Variants in EXOC4 observed in about 807,000 individuals in gnomAD.
The protein encoded by EXOC4 is exocyst complex component 4, also known as SEC8-like 1.
Under a neutral mutation model 107.2 loss-of-function variants are expected in EXOC4, and 71 were observed. The observed-to-expected ratio is 0.66, with a 90% confidence interval of 0.55 to 0.81. EXOC4 has a LOEUF of 0.81. EXOC4 is among the 30% of genes least tolerant of loss of function. EXOC4 has a pLI of 0.00. For missense variants in EXOC4, 1,108 were observed against 1,189.6 expected, an observed-to-expected ratio of 0.93 and a Z score of 1.01; for synonymous variants, 456 against 441.2, an observed-to-expected ratio of 1.03 and a Z score of -0.42.
intron 7 of EXOC4, among the ~76,000 whole-genome samples, chr7:133,443,977 T>C (rs938284440): frequency 6.6e-6 from 1 of 152,196 alleles, no homozygotes. Context: ...GCAGGAACTA[T>C]GTAGTTCAGG....
chr7:133,406,353 T>A (rs1797219843), intron 7 of EXOC4, among the ~76,000 whole-genome samples: 1 of 152,222 alleles, frequency 6.6e-6, no homozygotes, highest in African/African-American at 2.4e-5. Context: ...AATCACTTTT[T>A]TTTTGTATTT....
At chr7:133,606,506 T>C (rs959804510) in intron 9 of EXOC4, among the ~76,000 whole-genome samples, 1 of 143,484 alleles carries the variant, frequency 7.0e-6, no homozygotes. Flanking sequence ...TTTATTATTA[T>C]TATTATTATT....
intron 17 of EXOC4, 97 bp from the exon 18 acceptor site, chr7:134,064,190 GAAGT>G: frequency 1.0e-5 from 7 of 695,226 alleles, no homozygotes; most frequent in Admixed American, 3.0e-5. Context: ...CAATCGTTAT[GAAGT>G]AAGTAGAGGA....
intron 7 of EXOC4, among the ~76,000 whole-genome samples, chr7:133,459,162 G>T (rs1280058936): frequency 6.6e-6 from 1 of 152,140 alleles, no homozygotes; most frequent in African/African-American, 2.4e-5. Context: ...GCGTTAACAT[G>T]GTTGGTATTT....
downstream of EXOC4, among the ~76,000 whole-genome samples, chr7:134,070,387 A>T (rs1012926881): frequency 5.9e-5 from 9 of 152,222 alleles, no homozygotes; most frequent in African/African-American, 2.2e-4. Flanking sequence ...GAGGTGTAGT[A>T]AGATGCACAC....
intron 14 of EXOC4, among the ~76,000 whole-genome samples, chr7:133,981,118 T>C (rs547210168): frequency 1.3e-4 from 20 of 152,350 alleles, no homozygotes; most frequent in African/African-American, 4.8e-4. Context: ...GTTAATTCTC[T>C]GTTTTTTACT....
chr7:133,330,773 G>A (rs1164363304), intron 5 of EXOC4, among the ~76,000 whole-genome samples: 3 of 152,166 alleles, frequency 2.0e-5, no homozygotes, highest in East Asian at 3.9e-4. Context: ...CGCCCTTGGT[G>A]GGCTGCACCC....
At position 133,650,568 on chromosome 7, in the gene EXOC4, T is replaced by C. The variant is rs76633824; in HGVS notation, c.1514+20427T>C. On this transcript the variant is annotated intron_variant, in intron 10 of 17. Coordinates refer to ENST00000253861, the MANE Select transcript of EXOC4 (RefSeq NM_021807.4). Reference sequence around the variant, plus strand: ...ATTATTATACAAAGGATCTAAATTATAAGCCCTAATTCATGCCACTTCAAA... The same window carrying C: ...ATTATTATACAAAGGATCTAAATTACAAGCCCTAATTCATGCCACTTCAAA... Among the ~76,000 whole-genome samples, 1,234 of 152,280 alleles carry C rather than the reference T, an allele frequency of 8.1e-3. 19 individuals carry two copies. Among genetic ancestry groups the C allele is most frequent in the African/African-American group, 0.028 (1,149 of 41,564 alleles).
intron 7 of EXOC4, among the ~76,000 whole-genome samples, chr7:133,403,754 A>G (rs936533357): frequency 5.3e-5 from 8 of 152,108 alleles, no homozygotes; most frequent in Non-Finnish European, 8.8e-5. Context: ...ATATAGCAAG[A>G]TCCCATCTCT....
chr7:134,021,013 T>C (rs1410545321), intron 17 of EXOC4, among the ~76,000 whole-genome samples: 1 of 151,516 alleles, frequency 6.6e-6, no homozygotes, highest in Non-Finnish European at 1.5e-5. Context: ...AGGGTTTGAT[T>C]AGAGGATCAA....
At chr7:133,352,070 T>C (rs1023946940) in intron 5 of EXOC4, among the ~76,000 whole-genome samples, 1 of 152,062 alleles carries the variant, frequency 6.6e-6, no homozygotes, top group Admixed American at 6.6e-5. Flanking sequence ...TACTTAAATC[T>C]ATTGAGACTT....
At chr7:133,282,479 T>C (rs1228111444) in intron 2 of EXOC4, among the ~76,000 whole-genome samples, 3 of 152,200 alleles carry the variant, frequency 2.0e-5, no homozygotes, top group Non-Finnish European at 4.4e-5. Flanking sequence ...ATTATACTTA[T>C]AAATTAAATA....
At chr7:134,027,535 G>A (rs911183191) in intron 17 of EXOC4, among the ~76,000 whole-genome samples, 1 of 151,776 alleles carries the variant, frequency 6.6e-6, no homozygotes, top group African/African-American at 2.4e-5. Flanking sequence ...GTGCATGCCT[G>A]GAATCCCAGC....
rs142830553 is a variant in EXOC4 at position 133,703,997 on chromosome 7, C to A, written c.1514+73856C>A. On this transcript the variant is annotated intron_variant, in intron 10 of 17. Transcript: ENST00000253861. The stretch of plus-strand genomic sequence containing the variant: ...CCTGTTGAATATTTACAGTTCCCTT[C>A]AATTTTCAGTTCATCTTGATAGAGC... Among the ~76,000 whole-genome samples the A allele has an allele frequency of 5.0e-3, 765 of 152,338 alleles. 3 individuals are homozygous for A. The highest frequency in any genetic ancestry group is 8.0e-3 in the Admixed American group (123 of 15,308).
At chr7:133,347,982 G>A (rs902918327) in intron 5 of EXOC4, among the ~76,000 whole-genome samples, 3 of 152,174 alleles carry the variant, frequency 2.0e-5, no homozygotes, top group Non-Finnish European at 2.9e-5. Context: ...AAACCTACAC[G>A]TTGAGTACAT....
intron 10 of EXOC4, among the ~76,000 whole-genome samples, chr7:133,748,905 A>G (rs970335881): frequency 1.1e-4 from 17 of 152,342 alleles, no homozygotes; most frequent in Non-Finnish European, 2.4e-4. Flanking sequence ...GGGAAAGGTA[A>G]GCTCACTTCC....
chr7:133,583,983 C>T (rs1458768165), intron 9 of EXOC4, among the ~76,000 whole-genome samples: 1 of 151,802 alleles, frequency 6.6e-6, no homozygotes, highest in Non-Finnish European at 1.5e-5. Flanking sequence ...CTGTGTGGGT[C>T]GGGGAAGAAG....
chr7:133,983,595 T>C (rs1794045645), intron 14 of EXOC4, among the ~76,000 whole-genome samples: 2 of 152,216 alleles, frequency 1.3e-5, no homozygotes, highest in Non-Finnish European at 2.9e-5. Flanking sequence ...TAAGGCTCTT[T>C]GGAAGATTTA....
At position 133,929,959 on chromosome 7, in the gene EXOC4, T is replaced by C. The variant is rs529496261; in HGVS notation, c.2028-7932T>C. Among the ~76,000 whole-genome samples, 4 of 152,258 alleles carry C rather than the reference T, an allele frequency of 2.6e-5. No individual in the cohort carries two copies. The East Asian group carries it at 7.7e-4, about 29-fold the overall frequency. On this transcript the variant is annotated intron_variant, in intron 13 of 17. Transcript: ENST00000253861. ...TGTCTCTGCTCTGAACAGATTTCAA[T>C]TCTTCAAGAGGAAATCATATGGCAA...
Sources: allele counts gnomAD v4.1 joint callset (sites outside exome capture counted in the v4.1 genomes callset), GRCh38; gene constraint gnomAD v4.1.1; transcripts MANE v1.5; gene names NCBI Gene and HGNC (gene_info 2026-07-23, HGNC 2026-07-21).